MDH2: variants seen among roughly 807,000 people sequenced by gnomAD.
The protein encoded by MDH2 is malate dehydrogenase, mitochondrial.
MDH2 carries 25 observed loss-of-function variants against 33.6 expected under a neutral mutation model. The ratio of observed to expected loss-of-function variants is 0.74; its 90% confidence interval spans 0.54 to 1.04. MDH2 has a LOEUF of 1.04. Ranked by LOEUF, MDH2 falls within the 50% of genes least tolerant of loss-of-function variation. MDH2 has a pLI of 0.00. For missense variants in MDH2, 432 were observed against 445.0 expected (o/e 0.97, Z 0.26); for synonymous variants, 193 against 188.7 (o/e 1.02, Z -0.19).
chr7:76,056,176 T>A (rs1372862721), intron 2 of MDH2, among the ~76,000 whole-genome samples: 2 of 152,210 alleles, frequency 1.3e-5, no homozygotes, highest in East Asian at 3.8e-4. Context: ...TCATTTATGA[T>A]AGCTCTGCTG....
intron 2 of MDH2, among the ~76,000 whole-genome samples, chr7:76,056,879 G>T (rs1554586338): frequency 6.6e-6 from 1 of 152,112 alleles, no homozygotes; most frequent in Non-Finnish European, 1.5e-5. Flanking sequence ...CAAATGTGGT[G>T]GACCATGCCT....
Position 76,057,400 on chromosome 7 carries a change from T to A in MDH2, c.236-10T>A. On this transcript the variant is annotated splice_polypyrimidine_tract_variant and intron_variant, in intron 2 of 8. Coordinates refer to ENST00000315758, the MANE Select transcript of MDH2 (RefSeq NM_005918.4). ...ACGGTGACATTTCTCTTGTGGGGTG[T>A]TTGTTCTAGGCTACCTCGGACCTGA... is the stretch of plus-strand genomic sequence containing the variant. 6.2e-7 allele frequency: 1 copy of A among 1,613,958 alleles called. No homozygotes were observed. The highest frequency in any genetic ancestry group is 8.5e-7 in the Non-Finnish European group (1 of 1,179,956).
At chr7:76,048,377 C>T (rs1021847999) in intron 1 of MDH2, 151 bp downstream of exon 1, 1 of 1,234,792 alleles carries the variant, frequency 8.1e-7, no homozygotes, top group Admixed American at 3.0e-5. Flanking sequence ...CCGGGGCAGG[C>T]CCTGACACTG....
intron 1 of MDH2, chr7:76,048,909 T>C (rs1797453257): frequency 9.8e-7 from 1 of 1,015,296 alleles, no homozygotes; most frequent in Non-Finnish European, 1.2e-6. Context: ...TCTTAAACTC[T>C]GCAGTGTGTC....
intron 1 of MDH2, among the ~76,000 whole-genome samples, chr7:76,051,759 TG>T (rs1554585470): frequency 6.6e-6 from 1 of 152,214 alleles, no homozygotes; most frequent in Non-Finnish European, 1.5e-5. Context: ...CGTTATAAAG[TG>T]TTAAAACTTA....
chr7:76,063,444 G>A lies in MDH2; in HGVS notation c.556-71G>A, dbSNP rs1235350214. ...GGGGGGCTTTTCCAGTGTTGGGGCT[G>A]TGGGCAGCTGTGACATGTTTTACAG... On this transcript the variant is annotated intron_variant, in intron 5 of 8. Coordinates refer to ENST00000315758, the MANE Select transcript of MDH2 (RefSeq NM_005918.4). The A allele has an allele frequency of 8.2e-6, 12 of 1,470,026 alleles. No individual in the cohort carries two copies. The African/African-American group carries it at 9.7e-5, about 12-fold the overall frequency. The allele number at this position is 1,470,026 out of a possible 1,614,324, so 91.1% of individuals were successfully genotyped here. A position where few individuals can be genotyped will look rare whatever the true frequency, so the allele number is the denominator to read the frequency against.
chr7:76,058,614 A>G (rs1554586611), intron 4 of MDH2, among the ~76,000 whole-genome samples: 1 of 152,236 alleles, frequency 6.6e-6, no homozygotes. Flanking sequence ...ACTCATAGTA[A>G]AACAATCACA....
chr7:76,055,437 T>C (rs1252100371), intron 2 of MDH2, among the ~76,000 whole-genome samples: 2 of 151,894 alleles, frequency 1.3e-5, no homozygotes, highest in African/African-American at 4.8e-5. Flanking sequence ...AAATGTTGTC[T>C]GGAAAATGAT....
chr7:76,058,253 G>A (rs1797845870), intron 4 of MDH2, 175 bp downstream of exon 4: 2 of 608,834 alleles, frequency 3.3e-6, no homozygotes, highest in Non-Finnish European at 2.9e-6. Context: ...GCCCGTCCGT[G>A]CACTTCCTAA....
At chr7:76,060,982 G>A (rs910373293) in intron 5 of MDH2, among the ~76,000 whole-genome samples, 31 of 152,176 alleles carry the variant, frequency 2.0e-4, no homozygotes, top group Middle Eastern at 3.4e-3. Flanking sequence ...TGACTTTTTT[G>A]GGTTGCCCGT....
At chr7:76,061,864 C>G (rs1797963562) in intron 5 of MDH2, among the ~76,000 whole-genome samples, 1 of 152,196 alleles carries the variant, frequency 6.6e-6, no homozygotes, top group African/African-American at 2.4e-5. Flanking sequence ...CCATAGCTGC[C>G]ACTAGCTACA....
intron 1 of MDH2, chr7:76,054,460 G>C: frequency 3.7e-6 from 1 of 271,236 alleles, no homozygotes; most frequent in Non-Finnish European, 7.0e-6. Flanking sequence ...TGCAACCTCA[G>C]TTACCGGGAG....
At chr7:76,051,729 T>C (rs1405457886) in intron 1 of MDH2, among the ~76,000 whole-genome samples, 9 of 152,200 alleles carry the variant, frequency 5.9e-5, no homozygotes, top group Non-Finnish European at 1.0e-4. Context: ...CAAGTAGAAA[T>C]TTTAAAACAA....
rs183435400 is a variant in MDH2 at position 76,057,111 on chromosome 7, C to T, written c.236-299C>T. Among the ~76,000 whole-genome samples the T allele has an allele frequency of 3.8e-4, 58 of 152,108 alleles. 1 individual carries two copies. The highest frequency in any genetic ancestry group is 5.4e-4 in the Non-Finnish European group (37 of 68,018). On this transcript the variant is annotated intron_variant, in intron 2 of 8. Transcript: ENST00000315758. ...GGCCAAGTGTGACTTACAATGCTCACGAGTAGGATGAAGACAAGCAGTGGC... is the reference window on the plus strand; with the variant it reads ...GGCCAAGTGTGACTTACAATGCTCATGAGTAGGATGAAGACAAGCAGTGGC...
At chr7:76,057,879 A>T in intron 3 of MDH2, 90 bp from the exon 4 acceptor site, 3 of 1,282,828 alleles carry the variant, frequency 2.3e-6, no homozygotes, top group Non-Finnish European at 3.3e-6. Flanking sequence ...GAGTGGCTAA[A>T]TTTCCTGTAA....
At chr7:76,063,188 G>GCC (rs1797999036) in intron 5 of MDH2, among the ~76,000 whole-genome samples, 1 of 152,194 alleles carries the variant, frequency 6.6e-6, no homozygotes, top group African/African-American at 2.4e-5. Flanking sequence ...AGGATGCCAG[G>GCC]CCCGGGGGGG....
intron 5 of MDH2, among the ~76,000 whole-genome samples, chr7:76,061,714 G>A (rs1366808568): frequency 6.6e-6 from 1 of 151,176 alleles, no homozygotes; most frequent in African/African-American, 2.4e-5. Context: ...CGGGATTGCC[G>A]CAGTACGGAA....
intron 2 of MDH2, among the ~76,000 whole-genome samples, chr7:76,057,089 C>T (rs782671313): frequency 2.0e-5 from 3 of 151,906 alleles, no homozygotes; most frequent in Non-Finnish European, 4.4e-5. Flanking sequence ...AACTGGAGGC[C>T]AAGTGTGACT....
intron 5 of MDH2, among the ~76,000 whole-genome samples, chr7:76,061,816 A>G (rs1250847063): frequency 6.6e-6 from 1 of 152,144 alleles, no homozygotes; most frequent in Non-Finnish European, 1.5e-5. Flanking sequence ...GTGGGCTCTC[A>G]GGGCTGGGCA....
Sources: gnomAD v4.1 joint callset for allele counts (sites outside exome capture counted in the v4.1 genomes callset) on GRCh38, gnomAD v4.1.1 for gene constraint, MANE v1.5 for transcripts, NCBI Gene and HGNC (gene_info 2026-07-23, HGNC 2026-07-21) for gene names.